Variants in CAPN12 observed in about 807,000 individuals in gnomAD.
CAPN12 encodes the protein calpain-12.
In CAPN12, 107 loss-of-function variants were observed where a neutral mutation model predicts 95.0. The observed-to-expected ratio is 1.13, with a 90% CI of 0.96 to 1.32. The LOEUF is 1.32. CAPN12 is among the 40% of genes most tolerant of loss of function. The probability of loss-of-function intolerance (pLI) is 0.00; values close to 1 mark genes in which losing one functional copy is unlikely to be tolerated. For missense variants in CAPN12, 1,136 were observed against 997.8 expected, an observed-to-expected ratio of 1.14 and a Z score of -1.87; for synonymous variants, 505 against 415.5, an observed-to-expected ratio of 1.22 and a Z score of -2.62.
chr19:38,741,837 A>C lies in CAPN12; in HGVS notation c.500T>G (p.Phe167Cys). 1 of 1,614,126 alleles carries C rather than the reference A, an allele frequency of 6.2e-7. No homozygotes were observed. Among genetic ancestry groups the C allele is most frequent in the Non-Finnish European group, 8.5e-7 (1 of 1,180,046 alleles). The change falls in exon 4 of 21, where the codon TTC becomes TGC. Residue 167 changes from phenylalanine to cysteine, a missense_variant. Phe to Cys is a radical substitution (Grantham distance 205). Transcript: ENST00000328867. ...RLPVREGKLM[F>C]VRSEQRNEFW... is the part of the protein sequence containing the mutation. ...CTCATTCCGCTGTTCCGAGCGCACG[A>C]ACATCAGCTTCCCCTCACGCACGGG...
At position 38,743,018 on chromosome 19, in the gene CAPN12, G is replaced by A. The variant is rs1970650812; in HGVS notation, c.307+15C>T. 1 of 1,613,750 alleles carries A rather than the reference G, an allele frequency of 6.2e-7. No homozygotes were observed. The highest frequency in any genetic ancestry group is 8.5e-7 in the Non-Finnish European group (1 of 1,179,730). On this transcript the variant is annotated intron_variant, in intron 2 of 20. Coordinates refer to ENST00000328867, the MANE Select transcript of CAPN12 (RefSeq NM_144691.4). ...TAGCTGGATCTGAGGACTCCAGGTG[G>A]GTTCAGGGTCTCACCCAGGCTCCCC...
At chr19:38,735,130 C>T (rs1969926053) in intron 14 of CAPN12, 1 of 602,184 alleles carries the variant, frequency 1.7e-6, no homozygotes, top group Non-Finnish European at 2.9e-6. Context: ...TTAGATGAGA[C>T]CTGAGCCTGG....
chr19:38,738,128 C>G (rs181704936), intron 8 of CAPN12, 145 bp downstream of exon 8: 1 of 780,172 alleles, frequency 1.3e-6, no homozygotes, highest in East Asian at 2.7e-5. Flanking sequence ...TCCTTGATTT[C>G]CCAAAATAGA....
Position 38,741,134 on chromosome 19 carries a change from T to C in CAPN12, c.560+643A>G, listed in dbSNP as rs568366824. 5.3e-5 allele frequency among the ~76,000 whole-genome samples: 8 copies of C among 152,290 alleles called. No individual in the cohort carries two copies. The South Asian group carries it at 1.0e-3, about 20-fold the overall frequency. On this transcript the variant is annotated intron_variant, in intron 4 of 20. Transcript: ENST00000328867. ...ATGGACCAGGAGAGACAATCTAAGA[T>C]ATACAGCTCACCCGAGGGGATAAAT...
chr19:38,742,666 A>AG (rs1405170717), intron 2 of CAPN12, 138 bp from the exon 3 acceptor site: 22 of 645,164 alleles, frequency 3.4e-5, no homozygotes, highest in Non-Finnish European at 5.5e-5. Context: ...CAGCCTGGCC[A>AG]ACATGGCAAG....
chr19:38,739,438 G>C (rs1328075695), intron 5 of CAPN12: 1 of 97,234 alleles, frequency 1.0e-5, no homozygotes, highest in Non-Finnish European at 1.8e-5. Context: ...GACAGAGCAA[G>C]ATTCCGTCTC....
intron 10 of CAPN12, chr19:38,736,906 A>AC: frequency 2.6e-5 from 4 of 152,908 alleles, no homozygotes; most frequent in South Asian, 2.9e-4. Context: ...CTGGCCCCCC[A>AC]GCCCTACTAG....
At position 38,734,805 on chromosome 19, in the gene CAPN12, C is replaced by T; in HGVS notation, c.1744+8G>A. 1 of 1,612,214 alleles carries T rather than the reference C, an allele frequency of 6.2e-7. No individual in the cohort carries two copies. The highest frequency in any genetic ancestry group is 8.5e-7 in the Non-Finnish European group (1 of 1,179,592). On this transcript the variant is annotated splice_region_variant and intron_variant, in intron 15 of 20. Transcript: ENST00000328867. ...CCCCTCCTCCTGCCCCTATCCCAGC[C>T]AACTCACCAGGCTCCAGGGCAATGC...
rs1727136015 is a variant in CAPN12 at position 38,730,558 on chromosome 19, TCTC to T, written c.*291_*293del. 1 of 487,918 alleles carries T rather than the reference TCTC, an allele frequency of 2.0e-6. No homozygotes were observed. The allele number at this position is 487,918 out of a possible 1,614,324, so 30.2% of individuals were successfully genotyped here. A position where few individuals can be genotyped will look rare whatever the true frequency, so the allele number is the denominator to read the frequency against. On this transcript the variant is annotated 3_prime_UTR_variant, in exon 21 of 21. Coordinates refer to ENST00000328867, the MANE Select transcript of CAPN12 (RefSeq NM_144691.4). ...TCCTGCAGCATCATCTTTTTTTATTTCTCCTGTGTCTGTCCTCCACCTTCTAGG... is the reference window on the plus strand; with the variant it reads ...TCCTGCAGCATCATCTTTTTTTATTTCTGTGTCTGTCCTCCACCTTCTAGG...
In CAPN12 at chr19:38,734,406, G is replaced by A. The variant is rs45599933; in HGVS notation, c.1745-17C>T. The stretch of plus-strand genomic sequence containing the variant: ...GGGCCCTGGCTACAGGAAAAACAAA[G>A]TCAAACCACAGCACTTCCTGCATTC... On this transcript the variant is annotated splice_polypyrimidine_tract_variant and intron_variant, in intron 15 of 20. Transcript: ENST00000328867. 0.064 allele frequency: 100,577 copies of A among 1,569,476 alleles called. 3,547 individuals carry two copies. The highest frequency in any genetic ancestry group is 0.099 in the South Asian group (8,359 of 84,278).
intron 5 of CAPN12, chr19:38,738,937 G>T: frequency 2.1e-6 from 1 of 487,618 alleles, no homozygotes; most frequent in Non-Finnish European, 3.7e-6. Flanking sequence ...TCCAAGACCA[G>T]CCTGGGCAAC....
At chr19:38,738,549 C>G in intron 6 of CAPN12, 25 bp downstream of exon 6, 1 of 1,613,866 alleles carries the variant, frequency 6.2e-7, no homozygotes, top group South Asian at 1.1e-5. Context: ...CATGGCCTGC[C>G]ACCCCACCCA....
chr19:38,737,311 G>T lies in CAPN12; in HGVS notation c.1207C>A (p.Pro403Thr). ...DEEDDEDEEG[P>T]WGGWGAAGAR... ...CCTGCAGCCCCCCAGCCCCCCCAGG[G>T]CCCTTCCTCATCCTCGTCATCCTCC... The change falls in exon 10 of 21, where the codon CCC (proline) becomes ACC (threonine). Residue 403 changes from proline (P) to threonine (T), a missense_variant. Coordinates refer to ENST00000328867, the MANE Select transcript of CAPN12 (RefSeq NM_144691.4). 1 of 1,557,816 alleles carries T rather than the reference G, an allele frequency of 6.4e-7. No individual in the cohort carries two copies. Among genetic ancestry groups the T allele is most frequent in the Non-Finnish European group, 8.7e-7 (1 of 1,153,640 alleles).
chr19:38,743,661 A>C (rs1451075010), intron 1 of CAPN12, among the ~76,000 whole-genome samples: 1 of 81,340 alleles, frequency 1.2e-5, no homozygotes, highest in African/African-American at 5.3e-5. Context: ...GTCCAGGTCC[A>C]AGCCCCCTCC....
At chr19:38,735,032 A>T in intron 14 of CAPN12, 162 bp from the exon 15 acceptor site, 1 of 667,116 alleles carries the variant, frequency 1.5e-6, no homozygotes, top group Non-Finnish European at 2.5e-6. Context: ...GTGACGGGGG[A>T]AGCACTGGGC....
In CAPN12 at chr19:38,735,438, T is replaced by C. The variant is rs1350207619; in HGVS notation, c.1627-9A>G. The C allele has an allele frequency of 1.2e-6, 2 of 1,610,882 alleles. No individual in the cohort carries two copies. The highest frequency in any genetic ancestry group is 2.2e-5 in the East Asian group (1 of 44,658). On this transcript the variant is annotated splice_polypyrimidine_tract_variant and intron_variant, in intron 13 of 20. Transcript: ENST00000328867. ...AGGGGCAGGTAGGGGCCCTGCCGCA[T>C]GGCGGAAGTTTAGCGCTGGCCAAGA...
chr19:38,734,970 G>A, intron 14 of CAPN12, 100 bp from the exon 15 acceptor site: 2 of 1,135,608 alleles, frequency 1.8e-6, no homozygotes, highest in Non-Finnish European at 2.6e-6. Flanking sequence ...GAGCCTCAGA[G>A]CCCTAGCTCC....
At position 38,743,985 on chromosome 19, in the gene CAPN12, C is replaced by G. The variant is rs746335259; in HGVS notation, c.181G>C (p.Asp61His). Residue 61 changes from aspartate to histidine, a missense_variant, in exon 1 of 21, where the codon GAC becomes CAC. Coordinates refer to ENST00000328867, the MANE Select transcript of CAPN12 (RefSeq NM_144691.4). Reference protein sequence around the residue: ...FPAGPDALGYDQLGPDSEKAK... With the variant: ...FPAGPDALGYHQLGPDSEKAK... ...TTCTCCGAGTCCGGCCCCAGCTGGTCATAGCCAAGGGCATCAGGGCCAGCA... is the reference window on the plus strand; with the variant it reads ...TTCTCCGAGTCCGGCCCCAGCTGGTGATAGCCAAGGGCATCAGGGCCAGCA... 1.2e-6 allele frequency: 2 copies of G among 1,614,116 alleles called. No individual in the cohort carries two copies. Among genetic ancestry groups the G allele is most frequent in the African/African-American group, 2.7e-5 (2 of 74,956 alleles).
At chr19:38,735,264 GA>G in intron 14 of CAPN12, 105 bp downstream of exon 14, 2 of 1,184,148 alleles carry the variant, frequency 1.7e-6, no homozygotes, top group East Asian at 2.5e-5. Flanking sequence ...CCGGAGGGAG[GA>G]AAAAGCAAGC....
Sources: allele counts gnomAD v4.1 joint callset (sites outside exome capture counted in the v4.1 genomes callset), GRCh38; gene constraint gnomAD v4.1.1; transcripts MANE v1.5; gene names NCBI Gene and HGNC (gene_info 2026-07-23, HGNC 2026-07-21).